Variants in FRMD8 observed in about 807,000 individuals in gnomAD.
FRMD8 encodes FERM domain-containing protein 8.
In FRMD8, 37 loss-of-function variants were observed where a neutral mutation model predicts 54.2. The ratio of observed to expected loss-of-function variants is 0.68; its 90% confidence interval spans 0.53 to 0.90. FRMD8 has a LOEUF of 0.90. Ranked by LOEUF, FRMD8 falls within the 40% of genes least tolerant of loss-of-function variation. The probability of loss-of-function intolerance (pLI) is 0.00; values close to 1 mark genes in which losing one functional copy is unlikely to be tolerated. For missense variants in FRMD8, 585 were observed against 653.7 expected (o/e 0.89, Z 1.15); for synonymous variants, 246 against 286.9 (o/e 0.86, Z 1.44).
chr11:65,394,366 G>A lies in FRMD8; in HGVS notation c.522G>A (p.Leu174=). 1 of 1,576,580 alleles carries A rather than the reference G, an allele frequency of 6.3e-7. No individual in the cohort carries two copies. Among genetic ancestry groups the A allele is most frequent in the Non-Finnish European group, 8.6e-7 (1 of 1,162,122 alleles). Residue 174 remains leucine, a synonymous_variant, in exon 6 of 11, where the codon CTG becomes CTA. Coordinates refer to ENST00000317568, the MANE Select transcript of FRMD8 (RefSeq NM_031904.5). ...AGGACTGCGAGGCTCTGGGCGCCCT[G>A]GTGTGCCGCGTGCAGCTTGGGCCCT... is the stretch of plus-strand genomic sequence containing the variant. The part of the protein sequence containing the change: ...DVEDCEALGA[L]VCRVQLGPYQ...
intron 1 of FRMD8, 119 bp from the exon 2 acceptor site, chr11:65,386,918 G>T: frequency 1.2e-6 from 1 of 866,830 alleles, no homozygotes; most frequent in Non-Finnish European, 1.8e-6. Context: ...TCCAGGCAGC[G>T]CCGCTCAACC....
At chr11:65,410,797 A>C (rs2137953669) in intron 10 of FRMD8, among the ~76,000 whole-genome samples, 1 of 152,252 alleles carries the variant, frequency 6.6e-6, no homozygotes, top group African/African-American at 2.4e-5. Context: ...CTCAAAACAA[A>C]CAAAAAAAAA....
Position 65,411,393 on chromosome 11 carries a change from G to A in FRMD8, c.*33G>A, listed in dbSNP as rs1050162763. The A allele has an allele frequency of 2.1e-6, 3 of 1,458,100 alleles. No homozygotes were observed. The highest frequency in any genetic ancestry group is 2.8e-6 in the Non-Finnish European group (3 of 1,072,662). 90.3% of individuals were successfully genotyped at this position (1,458,100 alleles called of 1,614,324 possible). A position where few individuals can be genotyped will look rare whatever the true frequency, so the allele number is the denominator to read the frequency against. ...GCACCCGGCAGGAGGAGGGCGACTG[G>A]GGGCCCTGGCCCGGCACTGTCCTCC... On this transcript the variant is annotated 3_prime_UTR_variant, in exon 11 of 11. Coordinates refer to ENST00000317568, the MANE Select transcript of FRMD8 (RefSeq NM_031904.5).
the FRMD8 span, chr11:65,379,821 A>G: frequency 6.2e-7 from 1 of 1,605,466 alleles, no homozygotes; most frequent in Non-Finnish European, 8.5e-7. Flanking sequence ...ACAGCCCCAG[A>G]TGCCTCCCCG....
chr11:65,375,703 A>C, the FRMD8 span: 1 of 152,122 alleles, frequency 6.6e-6, no homozygotes, highest in Non-Finnish European at 1.5e-5. Context: ...TGGGGGAGAG[A>C]GCTTTGAAAG....
At chr11:65,402,806 T>A (rs911572898) in intron 9 of FRMD8, among the ~76,000 whole-genome samples, 1 of 152,112 alleles carries the variant, frequency 6.6e-6, no homozygotes, top group Non-Finnish European at 1.5e-5. Flanking sequence ...TTTGTTAGAT[T>A]TATCCATTTC....
At chr11:65,402,149 G>A (rs988049054) in intron 9 of FRMD8, among the ~76,000 whole-genome samples, 5 of 151,944 alleles carry the variant, frequency 3.3e-5, no homozygotes, top group East Asian at 1.9e-4. Context: ...CAGAGCTCAA[G>A]ACCAGCCTGG....
In FRMD8 at chr11:65,386,751, G is replaced by A. The variant is rs370311842; in HGVS notation, c.-11G>A. 2.4e-6 allele frequency: 1 copy of A among 425,138 alleles called. No homozygotes were observed. 26.3% of individuals were successfully genotyped at this position (425,138 alleles called of 1,614,324 possible). ...TTGCCTCTCAGGTGGCGGGCTCTGC[G>A]ACCCTGCGAGGTGAGAGCACAGCGA... On this transcript the variant is annotated 5_prime_UTR_variant, in exon 1 of 11. Coordinates refer to ENST00000317568, the MANE Select transcript of FRMD8 (RefSeq NM_031904.5).
intron 10 of FRMD8, among the ~76,000 whole-genome samples, chr11:65,409,716 G>C (rs1382833750): frequency 6.6e-6 from 1 of 151,502 alleles, no homozygotes; most frequent in African/African-American, 2.4e-5. Context: ...CAGTGAGTTA[G>C]GATCACAACA....
the FRMD8 span, chr11:65,377,965 T>G: frequency 6.6e-6 from 1 of 152,368 alleles, no homozygotes; most frequent in South Asian, 2.1e-4. Context: ...CGACGGGGGC[T>G]GGCGGTCGCC....
At chr11:65,405,950 A>G (rs1036389013) in intron 10 of FRMD8, among the ~76,000 whole-genome samples, 1 of 152,036 alleles carries the variant, frequency 6.6e-6, no homozygotes, top group African/African-American at 2.4e-5. Flanking sequence ...GTTTGCAGTG[A>G]GCTACGATTG....
Position 65,399,833 on chromosome 11 carries a change from G to T in FRMD8, c.901G>T (p.Val301Leu). 6.2e-7 allele frequency: 1 copy of T among 1,613,880 alleles called. No homozygotes were observed. The change falls in exon 8 of 11, where the codon GTG (valine) becomes TTG (leucine). Residue 301 changes from valine (V) to leucine (L), a missense_variant. Val to Leu is a conservative substitution (Grantham distance 32). Transcript: ENST00000317568. ...PVSVAISLEGVHVIDSREKHV... is the reference protein window; with the variant it reads ...PVSVAISLEGLHVIDSREKHV... Reference sequence around the variant, plus strand: ...TTCTGTGGCCATCAGTCTGGAAGGCGTGCACGTCATCGATAGCAGAGAGAA... The same window carrying T: ...TTCTGTGGCCATCAGTCTGGAAGGCTTGCACGTCATCGATAGCAGAGAGAA...
At chr11:65,371,149 C>CAGCA in the FRMD8 span, among the ~76,000 whole-genome samples, 1 of 152,156 alleles carries the variant, frequency 6.6e-6, no homozygotes, top group East Asian at 1.9e-4. Flanking sequence ...GTCACATTCA[C>CAGCA]AGCATGGACC....
chr11:65,394,268 G>A lies in FRMD8; in HGVS notation c.424G>A (p.Glu142Lys), dbSNP rs61763056. Residue 142 changes from glutamate to lysine, a missense_variant, in exon 6 of 11, where the codon GAG becomes AAG. Transcript: ENST00000317568. The stretch of plus-strand genomic sequence containing the variant: ...CCACACCCCCCTGCAGATCCATGAC[G>A]AGGAGGTCCTGCGGCTGCTCTATGA... ...PKRRELQIHD[E>K]EVLRLLYEEA... 1.4e-3 allele frequency: 2,239 copies of A among 1,600,458 alleles called. 3 individuals carry two copies. The highest frequency in any genetic ancestry group is 1.8e-3 in the Non-Finnish European group (2,113 of 1,173,780).
chr11:65,392,284 A>C (rs1432675084), intron 3 of FRMD8, among the ~76,000 whole-genome samples: 8 of 152,156 alleles, frequency 5.3e-5, no homozygotes. Flanking sequence ...TCCAGGTGGA[A>C]GGCCCAGATG....
At chr11:65,371,591 A>G in the FRMD8 span, among the ~76,000 whole-genome samples, 1 of 152,108 alleles carries the variant, frequency 6.6e-6, no homozygotes, top group Non-Finnish European at 1.5e-5. Flanking sequence ...GCCTTATGAG[A>G]CCCTGCTGAT....
rs1028039442 is a variant in FRMD8, at chr11:65,387,961, C to G, written c.85+840C>G. 3.3e-5 allele frequency among the ~76,000 whole-genome samples: 5 copies of G among 152,178 alleles called. No individual in the cohort carries two copies. In the South Asian group the frequency reaches 1.0e-3, roughly 32 times the overall value. On this transcript the variant is annotated intron_variant, in intron 2 of 10. Transcript: ENST00000317568. ...GGTGGATCACTTGAAGTTGAGAATT[C>G]CAAGAGCAGCCTGACCAACATGGAG...
Position 65,404,737 on chromosome 11 carries a change from C to A in FRMD8, c.1072-127C>A. On this transcript the variant is annotated intron_variant, in intron 9 of 10. Coordinates refer to ENST00000317568, the MANE Select transcript of FRMD8 (RefSeq NM_031904.5). This position sits in a 1 kb window ranked among gnomAD's most constrained non-coding sequence, Gnocchi z 4.7. ...GGACACCTCCCCTGCCTCCCTGCTC[C>A]CTCCCTCCTGAGTGATGTGTGTCCC... 1.3e-6 allele frequency: 1 copy of A among 751,808 alleles called. No individual in the cohort carries two copies. The highest frequency in any genetic ancestry group is 2.2e-6 in the Non-Finnish European group (1 of 455,898). The allele number at this position is 751,808 out of a possible 1,614,324, so 46.6% of individuals were successfully genotyped here.
intron 6 of FRMD8, among the ~76,000 whole-genome samples, chr11:65,394,757 C>CA (rs2137886115): frequency 6.6e-6 from 1 of 152,304 alleles, no homozygotes; most frequent in Admixed American, 6.5e-5. Context: ...AGTAACAGGC[C>CA]AGCTTAGTTC....
Sources: gnomAD v4.1 joint callset for allele counts (sites outside exome capture counted in the v4.1 genomes callset) on GRCh38, gnomAD v4.1.1 for gene constraint, Gnocchi (gnomAD v3.1) non-coding constraint, MANE v1.5 for transcripts, NCBI Gene and HGNC (gene_info 2026-07-23, HGNC 2026-07-21) for gene names.